ADGRL2: variants seen among roughly 807,000 people sequenced by gnomAD.
ADGRL2 encodes adhesion G protein-coupled receptor L2, also known as calcium-independent alpha-latrotoxin receptor 2.
Under a neutral mutation model 157.4 loss-of-function variants are expected in ADGRL2, and 44 were observed. The observed-to-expected ratio is 0.28, with a 90% CI of 0.22 to 0.36. ADGRL2 has a LOEUF of 0.36. ADGRL2 is among the 10% of genes least tolerant of loss of function. The pLI is 1.00. For missense variants in ADGRL2, 1,510 were observed against 1,768.9 expected, an observed-to-expected ratio of 0.85 and a Z score of 2.63; for synonymous variants, 585 against 624.7, an observed-to-expected ratio of 0.94 and a Z score of 0.95.
intron 2 of ADGRL2, among the ~76,000 whole-genome samples, chr1:81,499,608 A>G (rs887140768): frequency 6.6e-6 from 1 of 152,278 alleles, no homozygotes; most frequent in African/African-American, 2.4e-5. Flanking sequence ...CCCCACAGGC[A>G]GGAAGCATCT....
At chr1:81,721,407 C>T (rs1484371558) in intron 1 of ADGRL2, among the ~76,000 whole-genome samples, 2 of 152,052 alleles carry the variant, frequency 1.3e-5, no homozygotes, top group Admixed American at 6.6e-5. Context: ...ATCCAAACAA[C>T]CGACCCAAAT....
At chr1:81,399,552 T>A (rs1276235419) in intron 1 of ADGRL2, among the ~76,000 whole-genome samples, 2 of 152,224 alleles carry the variant, frequency 1.3e-5, no homozygotes, top group African/African-American at 4.8e-5. Context: ...ATTCTTCTGC[T>A]TAACCAAGTC....
intron 3 of ADGRL2, among the ~76,000 whole-genome samples, chr1:81,649,277 G>C (rs1034539925): frequency 6.6e-6 from 1 of 152,030 alleles, no homozygotes; most frequent in Non-Finnish European, 1.5e-5. Flanking sequence ...ACCTTTTCTC[G>C]CTGCTTTCCC....
chr1:81,936,084 A>G (rs981455540), intron 3 of ADGRL2, among the ~76,000 whole-genome samples: 2 of 151,946 alleles, frequency 1.3e-5, no homozygotes, highest in East Asian at 1.9e-4. Flanking sequence ...TAGACATTAC[A>G]TATGTGCCAA....
chr1:81,768,967 C>G (rs1164437840), intron 2 of ADGRL2, among the ~76,000 whole-genome samples: 1 of 152,104 alleles, frequency 6.6e-6, no homozygotes, highest in Non-Finnish European at 1.5e-5. Context: ...CACCTGTAAT[C>G]CCAACTACTT....
chr1:81,904,490 G>A (rs1219290937), intron 2 of ADGRL2, among the ~76,000 whole-genome samples: 1 of 152,156 alleles, frequency 6.6e-6, no homozygotes, highest in East Asian at 1.9e-4. Context: ...TGGGGTTCTG[G>A]GGTCGAAGGT....
At chr1:81,320,421 C>G (rs1275697315) in intron 1 of ADGRL2, among the ~76,000 whole-genome samples, 1 of 152,166 alleles carries the variant, frequency 6.6e-6, no homozygotes, top group Non-Finnish European at 1.5e-5. Flanking sequence ...AAAAGGTTTT[C>G]AAATTAATTT....
At chr1:81,605,303 CTGTT>C (rs1000372011) in intron 3 of ADGRL2, among the ~76,000 whole-genome samples, 15 of 152,158 alleles carry the variant, frequency 9.9e-5, no homozygotes, top group Non-Finnish European at 1.5e-4. Context: ...GAAAACTACT[CTGTT>C]TGTGATTTAT....
At chr1:81,933,126 A>G (rs970006333) in intron 3 of ADGRL2, among the ~76,000 whole-genome samples, 1 of 152,234 alleles carries the variant, frequency 6.6e-6, no homozygotes, top group African/African-American at 2.4e-5. Context: ...ATAAAATGAA[A>G]TAAGACCAGT....
chr1:81,982,701 A>G (rs575893314), intron 19 of ADGRL2, among the ~76,000 whole-genome samples: 1 of 152,052 alleles, frequency 6.6e-6, no homozygotes, highest in African/African-American at 2.4e-5. Context: ...GAAAGCTATT[A>G]TGTTTTCAGT....
intron 1 of ADGRL2, among the ~76,000 whole-genome samples, chr1:81,391,532 A>G (rs543961960): frequency 0.014 from 2,164 of 152,330 alleles, 1 homozygote; most frequent in Non-Finnish European, 0.022. Context: ...TGTGGCTCAC[A>G]TATTTTTTTC....
intron 19 of ADGRL2, among the ~76,000 whole-genome samples, chr1:81,982,872 C>T (rs1662058323): frequency 6.6e-6 from 1 of 151,838 alleles, no homozygotes; most frequent in African/African-American, 2.4e-5. Context: ...GATAAAATAC[C>T]ATTTTGATTG....
chr1:81,827,610 G>A lies in ADGRL2; in HGVS notation c.-100-9275G>A, dbSNP rs181775844. Among the ~76,000 whole-genome samples, 247 of 152,120 alleles carry A rather than the reference G, an allele frequency of 1.6e-3. 1 individual carries two copies. The highest frequency in any genetic ancestry group is 5.7e-3 in the African/African-American group (238 of 41,494). ...AGATAGAATCTCTCTTCGTCACCTGGGCTGGATTGCAGTGGTGCGATCTTG... is the reference window on the plus strand; with the variant it reads ...AGATAGAATCTCTCTTCGTCACCTGAGCTGGATTGCAGTGGTGCGATCTTG... On this transcript the variant is annotated intron_variant, in intron 1 of 23. Coordinates refer to ENST00000686636, the MANE Select transcript of ADGRL2 (RefSeq NM_001366006.2).
intron 2 of ADGRL2, among the ~76,000 whole-genome samples, chr1:81,487,297 G>A (rs187997611): frequency 4.6e-5 from 7 of 151,578 alleles, no homozygotes; most frequent in South Asian, 2.1e-4. Context: ...ATGTATAAGT[G>A]GCCAAATCAC....
chr1:81,610,069 T>C (rs956205751), intron 3 of ADGRL2, among the ~76,000 whole-genome samples: 1 of 152,164 alleles, frequency 6.6e-6, no homozygotes, highest in African/African-American at 2.4e-5. Context: ...CACCTGCCTC[T>C]TGGGGAGTGA....
At chr1:81,802,341 A>G (rs2088341344) in intron 1 of ADGRL2, among the ~76,000 whole-genome samples, 1 of 151,850 alleles carries the variant, frequency 6.6e-6, no homozygotes, top group African/African-American at 2.4e-5. Flanking sequence ...CCGCGGGTTA[A>G]TGGGGCTCGG....
At chr1:81,886,610 A>G (rs1249103727) in intron 2 of ADGRL2, among the ~76,000 whole-genome samples, 2 of 152,120 alleles carry the variant, frequency 1.3e-5, no homozygotes, top group Non-Finnish European at 2.9e-5. Context: ...TTTTCTTCCC[A>G]AGTATTCCTG....
At chr1:81,888,931 A>T (rs113473937) in intron 2 of ADGRL2, among the ~76,000 whole-genome samples, 2 of 152,074 alleles carry the variant, frequency 1.3e-5, no homozygotes, top group African/African-American at 4.8e-5. Context: ...GATCTTTGAT[A>T]TTATTATAAC....
intron 1 of ADGRL2, among the ~76,000 whole-genome samples, chr1:81,323,651 G>A (rs1203329360): frequency 6.6e-6 from 1 of 151,990 alleles, no homozygotes; most frequent in Non-Finnish European, 1.5e-5. Context: ...ATAACAAATA[G>A]TGATAAAGAG....
Sources: gnomAD v4.1 joint callset for allele counts (sites outside exome capture counted in the v4.1 genomes callset) on GRCh38, gnomAD v4.1.1 for gene constraint, MANE v1.5 for transcripts, NCBI Gene and HGNC (gene_info 2026-07-23, HGNC 2026-07-21) for gene names.